FAT3: variants seen among roughly 807,000 people sequenced by gnomAD.
FAT3 encodes the protein protocadherin Fat 3.
Under a neutral mutation model 310.2 loss-of-function variants are expected in FAT3, and 95 were observed. That is an observed-to-expected ratio of 0.31 (90% CI 0.26 to 0.36). FAT3 has a LOEUF of 0.36. Among genes scored for constraint, FAT3 ranks in the 10% least tolerant of loss-of-function variants. FAT3 has a pLI of 1.00. For missense variants in FAT3, 5,408 were observed against 5,715.6 expected, an observed-to-expected ratio of 0.95 and a Z score of 1.74; for synonymous variants, 2,314 against 2,192.9, an observed-to-expected ratio of 1.06 and a Z score of -1.54.
At chr11:92,890,342 C>G in intron 27 of FAT3, 149 bp from the exon 28 acceptor site, 1 of 944,708 alleles carries the variant, frequency 1.1e-6, no homozygotes, top group East Asian at 2.6e-5. Context: ...CAGGCCAAAG[C>G]ATGGCTGGCC....
chr11:92,327,581 A>G (rs1251775105), intron 1 of FAT3, among the ~76,000 whole-genome samples: 1 of 152,240 alleles, frequency 6.6e-6, no homozygotes, highest in East Asian at 1.9e-4. Context: ...CAGGATTATA[A>G]GACAGTGGAT....
chr11:92,307,509 T>C (rs923208583), intron 1 of FAT3, among the ~76,000 whole-genome samples: 3 of 152,142 alleles, frequency 2.0e-5, no homozygotes, highest in Admixed American at 2.0e-4. Context: ...CTTTGGTTAC[T>C]TGGAAGTGTC....
chr11:92,367,778 G>A (rs181722231), intron 2 of FAT3, among the ~76,000 whole-genome samples: 35 of 152,276 alleles, frequency 2.3e-4, no homozygotes, highest in African/African-American at 7.9e-4. Flanking sequence ...TCGGCATTGT[G>A]GGATGAGTTT....
At chr11:92,414,867 G>A (rs1345573169) in intron 2 of FAT3, among the ~76,000 whole-genome samples, 4 of 151,996 alleles carry the variant, frequency 2.6e-5, no homozygotes, top group Non-Finnish European at 5.9e-5. Context: ...AAAGTTAGCC[G>A]GGCTTGGTGG....
chr11:92,578,034 A>G (rs1329035034), intron 3 of FAT3, among the ~76,000 whole-genome samples: 2 of 152,130 alleles, frequency 1.3e-5, no homozygotes, highest in Non-Finnish European at 2.9e-5. Flanking sequence ...AAGTCAACAA[A>G]TATTTATAGT....
chr11:92,684,546 G>A (rs1172645854), intron 3 of FAT3, among the ~76,000 whole-genome samples: 2 of 152,168 alleles, frequency 1.3e-5, no homozygotes, highest in African/African-American at 4.8e-5. Context: ...AAGGGAACCA[G>A]TAAAGCCAAG....
chr11:92,731,488 C>T (rs907817988), intron 4 of FAT3, among the ~76,000 whole-genome samples: 4 of 152,172 alleles, frequency 2.6e-5, no homozygotes, highest in Non-Finnish European at 5.9e-5. Flanking sequence ...TGTTCACCTC[C>T]CCCAGAATAC....
At chr11:92,366,042 C>A (rs1308115951) in intron 2 of FAT3, among the ~76,000 whole-genome samples, 1 of 152,166 alleles carries the variant, frequency 6.6e-6, no homozygotes, top group Non-Finnish European at 1.5e-5. Flanking sequence ...CATCACCATG[C>A]AGGTTGCATT....
intron 5 of FAT3, 36 bp downstream of exon 5, chr11:92,762,206 G>C (rs767413225): frequency 2.6e-6 from 4 of 1,563,796 alleles, no homozygotes; most frequent in Non-Finnish European, 3.5e-6. Flanking sequence ...ACAGCAGATG[G>C]GGGGAAGTGG....
At chr11:92,618,975 G>A (rs186183711) in intron 3 of FAT3, among the ~76,000 whole-genome samples, 20 of 152,176 alleles carry the variant, frequency 1.3e-4, no homozygotes, top group African/African-American at 4.6e-4. Flanking sequence ...TTAGCTGTGC[G>A]TTTTTTATGG....
intron 1 of FAT3, among the ~76,000 whole-genome samples, chr11:92,240,122 T>C (rs1299527135): frequency 6.6e-6 from 1 of 152,162 alleles, no homozygotes; most frequent in Non-Finnish European, 1.5e-5. Flanking sequence ...CAGATATCTT[T>C]ATGTCCTTTG....
intron 3 of FAT3, among the ~76,000 whole-genome samples, chr11:92,560,627 G>A (rs897615565): frequency 2.0e-5 from 3 of 152,050 alleles, no homozygotes; most frequent in Non-Finnish European, 4.4e-5. Context: ...TGATCACATG[G>A]CTATTTAAAA....
intron 2 of FAT3, among the ~76,000 whole-genome samples, chr11:92,432,290 CTG>C (rs1441126923): frequency 6.6e-6 from 1 of 152,088 alleles, no homozygotes; most frequent in African/African-American, 2.4e-5. Context: ...CATGATTTGG[CTG>C]TTTGTCTGTT....
At chr11:92,559,741 C>G (rs1955157225) in intron 3 of FAT3, among the ~76,000 whole-genome samples, 1 of 152,076 alleles carries the variant, frequency 6.6e-6, no homozygotes, top group Non-Finnish European at 1.5e-5. Context: ...TCTTTTGTGA[C>G]TGGTTTCTTT....
intron 2 of FAT3, among the ~76,000 whole-genome samples, chr11:92,434,398 T>C (rs1012032511): frequency 6.6e-6 from 1 of 152,210 alleles, no homozygotes; most frequent in Non-Finnish European, 1.5e-5. Context: ...GTGGTAAATA[T>C]GCTCTTCATC....
At chr11:92,462,332 C>A (rs1268837209) in intron 2 of FAT3, among the ~76,000 whole-genome samples, 1 of 152,040 alleles carries the variant, frequency 6.6e-6, no homozygotes, top group African/African-American at 2.4e-5. Flanking sequence ...CACCCTCCAC[C>A]CTTGAGTATG....
At chr11:92,228,178 C>T (rs1380799095) in intron 1 of FAT3, among the ~76,000 whole-genome samples, 1 of 152,194 alleles carries the variant, frequency 6.6e-6, no homozygotes, top group African/African-American at 2.4e-5. Context: ...AATCAGTCAG[C>T]TGCTGGGCTG....
At chr11:92,330,636 C>T (rs1947892490) in intron 1 of FAT3, among the ~76,000 whole-genome samples, 1 of 152,012 alleles carries the variant, frequency 6.6e-6, no homozygotes, top group Non-Finnish European at 1.5e-5. Context: ...AGCTGTATTG[C>T]GTGGGTTTTG....
chr11:92,478,953 T>TTTCTTTC (rs373667758), intron 2 of FAT3, among the ~76,000 whole-genome samples: 21 of 103,944 alleles, frequency 2.0e-4, no homozygotes, highest in Non-Finnish European at 3.4e-4. Context: ...TCTTTCTTTC[T>TTTCTTTC]TTTCTTTTCT....
Sources: gnomAD v4.1 joint callset for allele counts (sites outside exome capture counted in the v4.1 genomes callset) on GRCh38, gnomAD v4.1.1 for gene constraint, MANE v1.5 for transcripts, NCBI Gene and HGNC (gene_info 2026-07-23, HGNC 2026-07-21) for gene names.